CCDC6: variants seen among roughly 807,000 people sequenced by gnomAD.
CCDC6 encodes coiled-coil domain-containing protein 6.
CCDC6 carries 20 observed loss-of-function variants against 56.6 expected under a neutral mutation model. That is an observed-to-expected ratio of 0.35 (90% CI 0.25 to 0.51). CCDC6 has a LOEUF of 0.51. CCDC6 is among the 20% of genes least tolerant of loss of function. The pLI, the probability that CCDC6 is intolerant of heterozygous loss-of-function variation, is 0.95. For missense variants in CCDC6, 367 were observed against 601.1 expected, an observed-to-expected ratio of 0.61 and a Z score of 4.07; for synonymous variants, 241 against 234.4, an observed-to-expected ratio of 1.03 and a Z score of -0.26.
At chr10:59,870,583 A>T (rs1664253) in intron 1 of CCDC6, among the ~76,000 whole-genome samples, 118,077 of 151,956 alleles carry the variant, frequency 0.78, 46,052 homozygotes, top group East Asian at 0.9. Flanking sequence ...CTCTCCTACA[A>T]TCTAGAGGAC....
In CCDC6 at chr10:59,789,481, A is replaced by C. The variant is rs1216681315; in HGVS notation, c.*3436T>G. 6 of 232,886 alleles carry C rather than the reference A, an allele frequency of 2.6e-5. No homozygotes were observed. The highest frequency in any genetic ancestry group is 5.1e-5 in the Non-Finnish European group (6 of 117,712). 14.4% of individuals were successfully genotyped at this position (232,886 alleles called of 1,614,324 possible). ...ACCCTAAAAAACAAAGAAAAAAACAAACAAAAAATCACCAAAAACCTAGAA... is the reference window on the plus strand; with the variant it reads ...ACCCTAAAAAACAAAGAAAAAAACACACAAAAAATCACCAAAAACCTAGAA... On this transcript the variant is annotated 3_prime_UTR_variant, in exon 9 of 9. Coordinates refer to ENST00000263102, the MANE Select transcript of CCDC6 (RefSeq NM_005436.5).
intron 1 of CCDC6, among the ~76,000 whole-genome samples, chr10:59,885,893 T>C (rs1564757515): frequency 2.0e-5 from 3 of 147,008 alleles, no homozygotes; most frequent in South Asian, 4.5e-4. Context: ...AAATCAGTTG[T>C]CTGATGTCTA....
At chr10:59,856,362 A>C (rs1181913848) in intron 1 of CCDC6, among the ~76,000 whole-genome samples, 1 of 144,438 alleles carries the variant, frequency 6.9e-6, no homozygotes, top group Admixed American at 6.8e-5. Flanking sequence ...AAAAAAAAAA[A>C]TTAAATGGAT....
At chr10:59,881,544 T>C (rs147315699) in intron 1 of CCDC6, among the ~76,000 whole-genome samples, 2 of 152,290 alleles carry the variant, frequency 1.3e-5, no homozygotes, top group East Asian at 3.9e-4. Context: ...ATGAATTCAT[T>C]CTAAAATTCA....
chr10:59,828,297 G>T (rs2070805951), intron 3 of CCDC6, among the ~76,000 whole-genome samples: 1 of 152,168 alleles, frequency 6.6e-6, no homozygotes. Context: ...TTAAAGCCAT[G>T]TTGACTAGAT....
rs1159081849 is a variant in CCDC6 at position 59,837,765 on chromosome 10, A to G, written c.454-5112T>C. 3.9e-3 allele frequency among the ~76,000 whole-genome samples: 585 copies of G among 148,262 alleles called. 5 individuals carry two copies. Among genetic ancestry groups the G allele is most frequent in the African/African-American group, 0.014 (543 of 39,830 alleles). ...CTGTCTCAAAAAAAAAAAAAAAAAAAAAAAAGAAAGAAGAAGAAGCTTGAG... is the reference window on the plus strand; with the variant it reads ...CTGTCTCAAAAAAAAAAAAAAAAAAGAAAAAGAAAGAAGAAGAAGCTTGAG... On this transcript the variant is annotated intron_variant, in intron 2 of 8. Coordinates refer to ENST00000263102, the MANE Select transcript of CCDC6 (RefSeq NM_005436.5).
At chr10:59,817,992 G>A (rs757821212) in intron 3 of CCDC6, among the ~76,000 whole-genome samples, 1 of 152,152 alleles carries the variant, frequency 6.6e-6, no homozygotes, top group African/African-American at 2.4e-5. Flanking sequence ...ACATGACTCA[G>A]GCAGTCATGC....
chr10:59,850,412 T>A (rs2071027760), intron 2 of CCDC6, among the ~76,000 whole-genome samples: 1 of 152,170 alleles, frequency 6.6e-6, no homozygotes, highest in Non-Finnish European at 1.5e-5. Context: ...ACAGATTGTC[T>A]CAGGGACATG....
intron 7 of CCDC6, among the ~76,000 whole-genome samples, chr10:59,798,810 T>A (rs931701947): frequency 6.6e-6 from 1 of 151,540 alleles, no homozygotes; most frequent in Non-Finnish European, 1.5e-5. Flanking sequence ...CTGACCAACA[T>A]GGTGAAACCC....
chr10:59,875,835 C>T (rs576596754), intron 1 of CCDC6, among the ~76,000 whole-genome samples: 2 of 152,080 alleles, frequency 1.3e-5, no homozygotes, highest in Admixed American at 6.6e-5. Context: ...GGTAAACTAA[C>T]GAAGACAAAA....
intron 1 of CCDC6, among the ~76,000 whole-genome samples, chr10:59,905,147 G>T (rs1395254329): frequency 6.6e-6 from 1 of 152,136 alleles, no homozygotes. Flanking sequence ...TGGTGAGCTG[G>T]CAGGGATGAT....
Position 59,905,011 on chromosome 10 carries a change from G to T in CCDC6, c.303+1111C>A, listed in dbSNP as rs537296611. On this transcript the variant is annotated intron_variant, in intron 1 of 8. Transcript: ENST00000263102. ...TTCATTTCAAAGTTCAGCCTAATCC[G>T]CTATTTTGCAGCAGCTATGGCCATT... Among the ~76,000 whole-genome samples, 3 of 152,188 alleles carry T rather than the reference G, an allele frequency of 2.0e-5. No homozygotes were observed. The East Asian group carries it at 5.8e-4, about 29-fold the overall frequency.
At chr10:59,873,289 G>A (rs974149023) in intron 1 of CCDC6, among the ~76,000 whole-genome samples, 7 of 152,104 alleles carry the variant, frequency 4.6e-5, no homozygotes, top group Non-Finnish European at 8.8e-5. Flanking sequence ...GATCACTGGA[G>A]TGGGCCCCAA....
chr10:59,822,617 G>A (rs2070757507), intron 3 of CCDC6, among the ~76,000 whole-genome samples: 1 of 152,150 alleles, frequency 6.6e-6, no homozygotes. Context: ...GCATCTTGCT[G>A]GGTGTGGTGG....
At chr10:59,865,098 C>T (rs539349316) in intron 1 of CCDC6, among the ~76,000 whole-genome samples, 6 of 152,148 alleles carry the variant, frequency 3.9e-5, no homozygotes, top group Non-Finnish European at 7.4e-5. Flanking sequence ...GGCCTCTAAC[C>T]AGCTATTTAC....
intron 1 of CCDC6, among the ~76,000 whole-genome samples, chr10:59,881,818 T>G (rs1036349108): frequency 6.6e-6 from 1 of 152,152 alleles, no homozygotes; most frequent in African/African-American, 2.4e-5. Flanking sequence ...AAGGGGACAA[T>G]GTGTGATAGG....
At chr10:59,840,754 T>C (rs2070930928) in intron 2 of CCDC6, among the ~76,000 whole-genome samples, 1 of 152,120 alleles carries the variant, frequency 6.6e-6, no homozygotes, top group South Asian at 2.1e-4. Context: ...AACCCCTAAG[T>C]CTTTCTTGAT....
chr10:59,847,594 T>C (rs2071003945), intron 2 of CCDC6, among the ~76,000 whole-genome samples: 1 of 152,132 alleles, frequency 6.6e-6, no homozygotes, highest in Non-Finnish European at 1.5e-5. Context: ...CTGAGCTCTC[T>C]AAGTCAAAGA....
chr10:59,818,856 A>G (rs961987882), intron 3 of CCDC6, among the ~76,000 whole-genome samples: 1 of 152,226 alleles, frequency 6.6e-6, no homozygotes, highest in Non-Finnish European at 1.5e-5. Flanking sequence ...ATGAAAATCA[A>G]TGATGCAGTA....
Sources: gnomAD v4.1 joint callset for allele counts (sites outside exome capture counted in the v4.1 genomes callset) on GRCh38, gnomAD v4.1.1 for gene constraint, MANE v1.5 for transcripts, NCBI Gene and HGNC (gene_info 2026-07-23, HGNC 2026-07-21) for gene names.